Variants in CORIN observed in about 807,000 individuals in gnomAD.
CORIN encodes corin, serine peptidase.
CORIN carries 117 observed loss-of-function variants against 125.3 expected under a neutral mutation model. The ratio of observed to expected loss-of-function variants is 0.93; its 90% CI spans 0.80 to 1.09. CORIN has a LOEUF of 1.09. Among genes scored for constraint, CORIN ranks in the 50% least tolerant of loss-of-function variants. The pLI is 0.00. For missense variants in CORIN, 1,253 were observed against 1,306.7 expected, an observed-to-expected ratio of 0.96 and a Z score of 0.63; for synonymous variants, 450 against 466.4, an observed-to-expected ratio of 0.96 and a Z score of 0.45.
intron 21 of CORIN, 42 bp downstream of exon 21, chr4:47,600,169 GTTA>G: frequency 1.2e-5 from 18 of 1,564,604 alleles, no homozygotes; most frequent in Non-Finnish European, 1.6e-5. Flanking sequence ...ATCCACTGAA[GTTA>G]TTGTTGAACT....
At chr4:47,653,775 T>C (rs913780074) in intron 12 of CORIN, 115 bp from the exon 13 acceptor site, 9 of 851,136 alleles carry the variant, frequency 1.1e-5, no homozygotes, top group African/African-American at 1.7e-5. Flanking sequence ...GGGTGGTCTC[T>C]TGCAAAACGA....
chr4:47,728,190 G>A (rs900040307), intron 5 of CORIN, among the ~76,000 whole-genome samples: 1 of 152,086 alleles, frequency 6.6e-6, no homozygotes, highest in Non-Finnish European at 1.5e-5. Context: ...TGATGATTCT[G>A]AATCATGCAT....
chr4:47,690,236 A>G (rs1725707146), intron 6 of CORIN, among the ~76,000 whole-genome samples: 1 of 152,222 alleles, frequency 6.6e-6, no homozygotes, highest in African/African-American at 2.4e-5. Flanking sequence ...GGACAAGGAC[A>G]AGTCAAAGGC....
chr4:47,797,665 G>A (rs1411143348), intron 2 of CORIN, among the ~76,000 whole-genome samples: 1 of 151,368 alleles, frequency 6.6e-6, no homozygotes, highest in Non-Finnish European at 1.5e-5. Flanking sequence ...TTGTTACTTG[G>A]GTATAATATG....
chr4:47,729,869 G>C (rs1727784185), intron 5 of CORIN, among the ~76,000 whole-genome samples: 1 of 152,168 alleles, frequency 6.6e-6, no homozygotes, highest in African/African-American at 2.4e-5. Flanking sequence ...AGAGAGAAGA[G>C]AGAGGTTCGG....
chr4:47,708,177 G>A (rs1171616496), intron 5 of CORIN, among the ~76,000 whole-genome samples: 1 of 152,172 alleles, frequency 6.6e-6, no homozygotes, highest in Non-Finnish European at 1.5e-5. Flanking sequence ...CAAATTGGGT[G>A]GCTGAAAACG....
chr4:47,615,681 G>A (rs1722043490), intron 19 of CORIN, among the ~76,000 whole-genome samples: 2 of 151,952 alleles, frequency 1.3e-5, no homozygotes, highest in Admixed American at 1.3e-4. Context: ...GAAACCACCG[G>A]GATCTAGGCA....
intron 2 of CORIN, among the ~76,000 whole-genome samples, chr4:47,794,427 TTC>T (rs1307622143): frequency 6.6e-6 from 1 of 152,174 alleles, no homozygotes; most frequent in Non-Finnish European, 1.5e-5. Context: ...ACTATAATTT[TTC>T]TTTTTTCCTC....
intron 2 of CORIN, among the ~76,000 whole-genome samples, chr4:47,795,913 A>T (rs1731268268): frequency 6.6e-6 from 1 of 152,216 alleles, no homozygotes; most frequent in South Asian, 2.1e-4. Context: ...AATGATAAAG[A>T]GATGTCACAT....
chr4:47,802,776 G>A (rs1370989228), intron 2 of CORIN, among the ~76,000 whole-genome samples: 2 of 152,170 alleles, frequency 1.3e-5, no homozygotes, highest in East Asian at 3.8e-4. Context: ...TTAGGTGGTA[G>A]CCAAGTAGTG....
chr4:47,638,825 T>A (rs1415789285), intron 16 of CORIN, among the ~76,000 whole-genome samples: 6 of 152,208 alleles, frequency 3.9e-5, no homozygotes, highest in Admixed American at 3.3e-4. Flanking sequence ...ATACTTCCAA[T>A]CTGGGCTGAA....
chr4:47,782,689 G>A (rs572526304), intron 3 of CORIN, among the ~76,000 whole-genome samples: 1 of 152,108 alleles, frequency 6.6e-6, no homozygotes, highest in African/African-American at 2.4e-5. Context: ...ATGTGATAGA[G>A]CCATATGAAG....
In CORIN at chr4:47,623,096, C is replaced by CTCTCTCTCTCTCTA. The variant is rs771867590; in HGVS notation, c.2540+474_2540+475insTAGAGAGAGAGAGA. On this transcript the variant is annotated intron_variant, in intron 19 of 21. Transcript: ENST00000273857. ...TCTCTCTCTCTCTCTCTCTCTCTCT[C>CTCTCTCTCTCTCTA]TATATATATATATATATATATACAC... Among the ~76,000 whole-genome samples, 272 of 102,254 alleles carry CTCTCTCTCTCTCTA rather than the reference C, an allele frequency of 2.7e-3. 3 individuals are homozygous for CTCTCTCTCTCTCTA. Among genetic ancestry groups the CTCTCTCTCTCTCTA allele is most frequent in the East Asian group, 0.024 (59 of 2,504 alleles). The allele number at this position is 102,254 out of a possible 152,430, so 67.1% of individuals were successfully genotyped here.
intron 12 of CORIN, among the ~76,000 whole-genome samples, chr4:47,657,550 A>AG (rs916310633): frequency 1.2e-4 from 18 of 151,766 alleles, no homozygotes; most frequent in Middle Eastern, 3.4e-3. Flanking sequence ...AAAAAAAAAA[A>AG]AAAGAAAAAG....
At chr4:47,673,111 A>G (rs1724840646) in intron 10 of CORIN, among the ~76,000 whole-genome samples, 1 of 152,084 alleles carries the variant, frequency 6.6e-6, no homozygotes, top group Non-Finnish European at 1.5e-5. Flanking sequence ...CTGTAAGGCC[A>G]GTGGATTACT....
intron 7 of CORIN, 60 bp downstream of exon 7, chr4:47,683,671 T>G: frequency 8.0e-7 from 1 of 1,248,752 alleles, no homozygotes; most frequent in Non-Finnish European, 1.1e-6. Flanking sequence ...AACTGTAAGT[T>G]TTTGGTTATA....
At chr4:47,727,207 G>T (rs1727630147) in intron 5 of CORIN, among the ~76,000 whole-genome samples, 1 of 151,918 alleles carries the variant, frequency 6.6e-6, no homozygotes. Context: ...ACAGTACAGT[G>T]GGAAGCTTCT....
intron 16 of CORIN, among the ~76,000 whole-genome samples, chr4:47,638,123 G>T (rs1723099982): frequency 6.6e-6 from 1 of 152,168 alleles, no homozygotes. Flanking sequence ...ACTTGCATGG[G>T]GCCTGTAGCC....
intron 2 of CORIN, among the ~76,000 whole-genome samples, chr4:47,803,290 C>A (rs1168982356): frequency 6.6e-6 from 1 of 152,198 alleles, no homozygotes; most frequent in African/African-American, 2.4e-5. Context: ...TCAAAGCAAT[C>A]TGCAGATTCC....
Sources: allele counts gnomAD v4.1 joint callset (sites outside exome capture counted in the v4.1 genomes callset), GRCh38; gene constraint gnomAD v4.1.1; transcripts MANE v1.5; gene names NCBI Gene and HGNC (gene_info 2026-07-23, HGNC 2026-07-21).